Variants in IL1RAPL2 observed in about 807,000 individuals in gnomAD.
IL1RAPL2 encodes the protein interleukin 1 receptor accessory protein like 2.
A neutral mutation model predicts 44.1 loss-of-function variants in IL1RAPL2; 3 were observed. The ratio of observed to expected loss-of-function variants is 0.07; its 90% CI spans 0.03 to 0.18. The LOEUF (loss-of-function observed/expected upper bound fraction) is 0.18, where lower values mean the gene tolerates loss of function less well. Ranked by LOEUF, IL1RAPL2 falls within the 10% of genes least tolerant of loss-of-function variation. The pLI, the probability that IL1RAPL2 is intolerant of heterozygous loss-of-function variation, is 1.00. For synonymous variants in IL1RAPL2, 181 were observed against 178.8 expected, an observed-to-expected ratio of 1.01 and a Z score of -0.10; for missense variants, 391 against 496.4, an observed-to-expected ratio of 0.79 and a Z score of 2.02.
intron 6 of IL1RAPL2, among the ~76,000 whole-genome samples, chrX:105,709,282 A>C (rs1050732408): frequency 8.9e-6 from 1 of 111,925 alleles, no homozygotes; most frequent in Non-Finnish European, 1.9e-5. Flanking sequence ...AGGTTAAGGG[A>C]TACACAGGAA....
intron 6 of IL1RAPL2, among the ~76,000 whole-genome samples, chrX:105,528,763 A>G (rs1317168838): frequency 9.0e-6 from 1 of 111,314 alleles, no homozygotes; most frequent in Non-Finnish European, 1.9e-5. Context: ...AAATATAACT[A>G]TCATGTTCAA....
rs1240655340 is a variant in IL1RAPL2, at chrX:104,677,080, G to A, written c.82+18085G>A. On this transcript the variant is annotated intron_variant, in intron 2 of 10. Coordinates refer to ENST00000372582, the MANE Select transcript of IL1RAPL2 (RefSeq NM_017416.2). Reference sequence around the variant, plus strand: ...GCTCGGAGAAATTTGATCATCTGAAGCCTTCTTCTCTCAGCTCGTCAAAGT... The same window carrying A: ...GCTCGGAGAAATTTGATCATCTGAAACCTTCTTCTCTCAGCTCGTCAAAGT... 7.1e-5 allele frequency among the ~76,000 whole-genome samples: 8 copies of A among 111,959 alleles called. No individual in the cohort carries two copies. The East Asian group carries it at 2.3e-3, about 32-fold the overall frequency.
intron 5 of IL1RAPL2, among the ~76,000 whole-genome samples, chrX:105,290,250 C>A (rs2034602621): frequency 9.0e-6 from 1 of 111,556 alleles, no homozygotes; most frequent in African/African-American, 3.3e-5. Context: ...AAGATATGGT[C>A]TCTGCCTTTA....
intron 5 of IL1RAPL2, among the ~76,000 whole-genome samples, chrX:105,344,044 G>T (rs2147701036): frequency 9.0e-6 from 1 of 110,917 alleles, no homozygotes; most frequent in African/African-American, 3.3e-5. Context: ...ACAAGTGCAT[G>T]CCACCACACC....
rs1255930136 is a variant in IL1RAPL2 at position 105,665,317 on chromosome X, T to C, written c.773-52050T>C. Among the ~76,000 whole-genome samples the C allele has an allele frequency of 2.8e-5, 3 of 105,281 alleles. No homozygotes were observed. In the East Asian group the frequency reaches 8.9e-4, roughly 31 times the overall value. 91.4% of individuals were successfully genotyped at this position (105,281 alleles called of 115,157 possible). ...AGCTCAGCCTTACATAAAAGGAAAT[T>C]TTATGAGCCTTTATTTTATGCGCGT... is the stretch of plus-strand genomic sequence containing the variant. On this transcript the variant is annotated intron_variant, in intron 6 of 10. Coordinates refer to ENST00000372582, the MANE Select transcript of IL1RAPL2 (RefSeq NM_017416.2).
intron 2 of IL1RAPL2, among the ~76,000 whole-genome samples, chrX:104,846,484 C>A (rs1402736407): frequency 9.0e-6 from 1 of 110,860 alleles, no homozygotes; most frequent in Non-Finnish European, 1.9e-5. Context: ...GCTGAGAATG[C>A]TGGTTTCCAG....
At chrX:105,304,931 C>T (rs1469350623) in intron 5 of IL1RAPL2, among the ~76,000 whole-genome samples, 1 of 111,301 alleles carries the variant, frequency 9.0e-6, no homozygotes, top group Non-Finnish European at 1.9e-5. Context: ...ATGATGGCTT[C>T]TGGGGAGGCC....
intron 2 of IL1RAPL2, among the ~76,000 whole-genome samples, chrX:105,096,316 T>C: frequency 9.0e-6 from 1 of 111,631 alleles, no homozygotes; most frequent in South Asian, 3.8e-4. Flanking sequence ...CATATGACCC[T>C]GGCCCACCAA....
At chrX:104,576,255 G>T (rs760457325) in intron 1 of IL1RAPL2, among the ~76,000 whole-genome samples, 1 of 111,398 alleles carries the variant, frequency 9.0e-6, no homozygotes, top group African/African-American at 3.3e-5. Context: ...AACCCAGCCA[G>T]TCTCGCTCTA....
intron 1 of IL1RAPL2, among the ~76,000 whole-genome samples, chrX:104,577,730 G>C (rs1928269347): frequency 9.0e-6 from 1 of 111,431 alleles, no homozygotes; most frequent in South Asian, 3.8e-4. Context: ...CCCAGCAGTG[G>C]CTAGGGCTTA....
In IL1RAPL2 at chrX:105,250,556, TATTA is replaced by T. The variant is rs755979526; in HGVS notation, c.543+16558_543+16561del. 5.4e-5 allele frequency among the ~76,000 whole-genome samples: 6 copies of T among 110,687 alleles called. No homozygotes were observed. The Admixed American group carries it at 5.8e-4, about 11-fold the overall frequency. On this transcript the variant is annotated intron_variant, in intron 4 of 10. Coordinates refer to ENST00000372582, the MANE Select transcript of IL1RAPL2 (RefSeq NM_017416.2). ...TAAACCTAAAACTAAAAATAAAGCC[TATTA>T]ATTAAGAAAAAAAACAAAATTTATT...
intron 2 of IL1RAPL2, among the ~76,000 whole-genome samples, chrX:104,900,670 T>C (rs1443316700): frequency 8.9e-6 from 1 of 112,394 alleles, no homozygotes; most frequent in Non-Finnish European, 1.9e-5. Context: ...AGCATTGTTT[T>C]TTCTCATGGT....
chrX:104,673,431 G>C (rs1392107801), intron 2 of IL1RAPL2, among the ~76,000 whole-genome samples: 1 of 110,673 alleles, frequency 9.0e-6, no homozygotes, highest in African/African-American at 3.3e-5. Flanking sequence ...TATTTCTGAG[G>C]GCTCTGTTCT....
At chrX:105,368,542 A>C (rs1325939837) in intron 5 of IL1RAPL2, among the ~76,000 whole-genome samples, 1 of 111,740 alleles carries the variant, frequency 8.9e-6, no homozygotes, top group African/African-American at 3.3e-5. Context: ...TGTTGAAAAA[A>C]TCTGCTGGTA....
At chrX:104,642,292 A>G (rs1465429350) in intron 1 of IL1RAPL2, among the ~76,000 whole-genome samples, 1 of 112,071 alleles carries the variant, frequency 8.9e-6, no homozygotes, top group Non-Finnish European at 1.9e-5. Context: ...GGAAGAGGAC[A>G]TGAAATACTT....
At chrX:105,081,907 T>C (rs753578621) in intron 2 of IL1RAPL2, among the ~76,000 whole-genome samples, 2 of 112,154 alleles carry the variant, frequency 1.8e-5, no homozygotes, top group Non-Finnish European at 3.8e-5. Flanking sequence ...CGCATCAAAG[T>C]TCATCAGGGA....
intron 6 of IL1RAPL2, among the ~76,000 whole-genome samples, chrX:105,637,519 C>T (rs5916935): frequency 0.32 from 34,440 of 108,121 alleles, 4,300 homozygotes; most frequent in Middle Eastern, 0.4. Flanking sequence ...CTGTTGCATT[C>T]CTCTGTCCAG....
At chrX:105,447,089 A>ATATG (rs2035961765) in intron 5 of IL1RAPL2, among the ~76,000 whole-genome samples, 1 of 56,753 alleles carries the variant, frequency 1.8e-5, no homozygotes, top group Non-Finnish European at 2.7e-5. Flanking sequence ...ATATATATAT[A>ATATG]TATATATATA....
chrX:105,081,751 G>C (rs945051530), intron 2 of IL1RAPL2, among the ~76,000 whole-genome samples: 3 of 111,711 alleles, frequency 2.7e-5, no homozygotes, highest in African/African-American at 9.8e-5. Context: ...TTTGTCATTG[G>C]TTCTGTTTAT....
Sources: allele counts gnomAD v4.1 joint callset (sites outside exome capture counted in the v4.1 genomes callset), GRCh38; gene constraint gnomAD v4.1.1; transcripts MANE v1.5; gene names NCBI Gene and HGNC (gene_info 2026-07-23, HGNC 2026-07-21).